Variants in CDH12 observed in about 807,000 individuals in gnomAD.
The protein encoded by CDH12 is cadherin 12, also known as cadherin-12.
In CDH12, 41 loss-of-function variants were observed where a neutral mutation model predicts 74.1. The ratio of observed to expected loss-of-function variants is 0.55; its 90% CI spans 0.43 to 0.72. The LOEUF (loss-of-function observed/expected upper bound fraction) is 0.72. CDH12 is among the 30% of genes least tolerant of loss of function. The probability of loss-of-function intolerance (pLI) is 0.00; values close to 1 mark genes in which losing one functional copy is unlikely to be tolerated. For missense variants in CDH12, 945 were observed against 977.2 expected, an observed-to-expected ratio of 0.97 and a Z score of 0.44; for synonymous variants, 399 against 355.0, an observed-to-expected ratio of 1.12 and a Z score of -1.39.
chr5:21,853,954 A>G (rs1314671991), intron 7 of CDH12, among the ~76,000 whole-genome samples: 1 of 151,670 alleles, frequency 6.6e-6, no homozygotes, highest in East Asian at 1.9e-4. Context: ...GCCTACTCTG[A>G]TCATCGGTGA....
At chr5:22,007,606 T>A (rs1737043704) in intron 5 of CDH12, among the ~76,000 whole-genome samples, 2 of 152,188 alleles carry the variant, frequency 1.3e-5, no homozygotes, top group South Asian at 4.1e-4. Flanking sequence ...CCTGTTTAAA[T>A]CATAACACTT....
chr5:22,376,592 C>T (rs1480722938), intron 3 of CDH12, among the ~76,000 whole-genome samples: 4 of 151,850 alleles, frequency 2.6e-5, no homozygotes, highest in Admixed American at 6.6e-5. Flanking sequence ...AGTGCAGTAG[C>T]TAATGCCTCA....
In CDH12 at chr5:22,284,066, G is replaced by A. The variant is rs73742085; in HGVS notation, c.-332-71423C>T. Among the ~76,000 whole-genome samples the A allele has an allele frequency of 3.5e-3, 536 of 152,178 alleles. 2 individuals carry two copies. The highest frequency in any genetic ancestry group is 0.013 in the African/African-American group (522 of 41,536). On this transcript the variant is annotated intron_variant, in intron 3 of 14. Transcript: ENST00000382254. ...TATTGGTAATCAAACTGATGTTCATGCTGATGTTGAGTGCAAAAAAAGATT... is the reference window on the plus strand; with the variant it reads ...TATTGGTAATCAAACTGATGTTCATACTGATGTTGAGTGCAAAAAAAGATT...
intron 3 of CDH12, among the ~76,000 whole-genome samples, chr5:22,295,440 T>C (rs182479525): frequency 3.9e-5 from 6 of 152,266 alleles, no homozygotes; most frequent in Non-Finnish European, 7.4e-5. Flanking sequence ...TAACATTTTT[T>C]GGAAAAAAGC....
intron 1 of CDH12, among the ~76,000 whole-genome samples, chr5:22,578,645 T>C (rs1324756454): frequency 6.6e-6 from 1 of 152,134 alleles, no homozygotes; most frequent in Non-Finnish European, 1.5e-5. Flanking sequence ...TGTTACTGGA[T>C]TCATGTGTGC....
chr5:21,781,789 A>G (rs1210855747), intron 11 of CDH12, among the ~76,000 whole-genome samples: 1 of 151,512 alleles, frequency 6.6e-6, no homozygotes, highest in Non-Finnish European at 1.5e-5. Flanking sequence ...AGATTTATGC[A>G]TTTTAAAAAT....
intron 3 of CDH12, among the ~76,000 whole-genome samples, chr5:22,295,529 AAAAGCACC>A (rs1403423266): frequency 1.3e-5 from 2 of 152,196 alleles, no homozygotes; most frequent in African/African-American, 4.8e-5. Context: ...CTACAGAAAT[AAAAGCACC>A]AATGCCTGGG....
intron 1 of CDH12, among the ~76,000 whole-genome samples, chr5:22,782,480 C>T (rs1241854891): frequency 2.6e-5 from 4 of 152,138 alleles, no homozygotes; most frequent in Non-Finnish European, 5.9e-5. Context: ...TTCTCTTTTG[C>T]TTTCCGTCAT....
intron 5 of CDH12, among the ~76,000 whole-genome samples, chr5:22,010,951 A>G: frequency 6.6e-6 from 1 of 151,892 alleles, no homozygotes; most frequent in East Asian, 1.9e-4. Context: ...GATTCCTTGA[A>G]GTTTCCCTCT....
intron 4 of CDH12, among the ~76,000 whole-genome samples, chr5:22,126,723 A>C (rs71601533): frequency 5.9e-5 from 9 of 152,192 alleles, no homozygotes; most frequent in African/African-American, 2.2e-4. Context: ...AGAGTCTCTC[A>C]TCTATTCAGC....
intron 1 of CDH12, among the ~76,000 whole-genome samples, chr5:22,565,533 A>T (rs917744029): frequency 1.3e-5 from 2 of 152,214 alleles, no homozygotes; most frequent in African/African-American, 4.8e-5. Flanking sequence ...TGTTCTCCAA[A>T]ACATAAATTA....
chr5:22,537,252 A>C (rs553457143), intron 1 of CDH12, among the ~76,000 whole-genome samples: 19 of 152,344 alleles, frequency 1.2e-4, no homozygotes, highest in Admixed American at 8.5e-4. Flanking sequence ...TAAATTGTGA[A>C]GTTAACAAGG....
At chr5:21,949,435 A>G (rs1028422043) in intron 6 of CDH12, among the ~76,000 whole-genome samples, 31 of 147,258 alleles carry the variant, frequency 2.1e-4, no homozygotes, top group African/African-American at 5.0e-4. Context: ...GTGCGACAGA[A>G]CGAGACTCTG....
rs562561775 is a variant in CDH12 at position 22,246,668 on chromosome 5, C to T, written c.-332-34025G>A. Among the ~76,000 whole-genome samples, 61 of 152,190 alleles carry T rather than the reference C, an allele frequency of 4.0e-4. 1 individual carries two copies. In the Middle Eastern group the frequency reaches 0.02, roughly 51 times the overall value. On this transcript the variant is annotated intron_variant, in intron 3 of 14. Coordinates refer to ENST00000382254, the MANE Select transcript of CDH12 (RefSeq NM_004061.5). ...TACATTTTGGCTAATTACGTAATTC[C>T]TTAGCAAGTGATTCTCAACAGGGCT...
At chr5:22,683,550 C>T (rs1318423973) in intron 1 of CDH12, among the ~76,000 whole-genome samples, 1 of 152,136 alleles carries the variant, frequency 6.6e-6, no homozygotes, top group Non-Finnish European at 1.5e-5. Context: ...TGTCATCAAA[C>T]CCATGGAATT....
intron 3 of CDH12, among the ~76,000 whole-genome samples, chr5:22,391,641 C>A (rs1452305103): frequency 6.6e-6 from 1 of 151,974 alleles, no homozygotes; most frequent in Non-Finnish European, 1.5e-5. Context: ...TAGTGCCCTA[C>A]CTAAATAACT....
chr5:21,821,151 A>G (rs897434160), intron 8 of CDH12, among the ~76,000 whole-genome samples: 1 of 151,900 alleles, frequency 6.6e-6, no homozygotes, highest in Admixed American at 6.6e-5. Flanking sequence ...ATGTCATTTG[A>G]AAAGATACTG....
intron 2 of CDH12, among the ~76,000 whole-genome samples, chr5:22,439,919 A>AT (rs1420154287): frequency 3.3e-5 from 5 of 152,052 alleles, no homozygotes; most frequent in Non-Finnish European, 7.4e-5. Context: ...AAGACAACTG[A>AT]TTTTTTGCAT....
intron 6 of CDH12, among the ~76,000 whole-genome samples, chr5:21,895,186 A>T (rs1339455459): frequency 2.0e-5 from 3 of 152,186 alleles, no homozygotes; most frequent in Non-Finnish European, 4.4e-5. Context: ...TAAATGTGCA[A>T]GAAGCTTCCA....
Sources: gnomAD v4.1 joint callset for allele counts (sites outside exome capture counted in the v4.1 genomes callset) on GRCh38, gnomAD v4.1.1 for gene constraint, MANE v1.5 for transcripts, NCBI Gene and HGNC (gene_info 2026-07-23, HGNC 2026-07-21) for gene names.